ZNF18: variants seen among roughly 807,000 people sequenced by gnomAD.
ZNF18 encodes the protein zinc finger protein 18.
A neutral mutation model predicts 58.1 loss-of-function variants in ZNF18; 42 were observed. That is an observed-to-expected ratio of 0.72 (90% CI 0.56 to 0.93). ZNF18 has a LOEUF of 0.93. ZNF18 is among the 40% of genes least tolerant of loss of function. The pLI is 0.00. For synonymous variants in ZNF18, 231 were observed against 239.8 expected, an observed-to-expected ratio of 0.96 and a Z score of 0.34; for missense variants, 540 against 644.2, an observed-to-expected ratio of 0.84 and a Z score of 1.75.
intron 1 of ZNF18, among the ~76,000 whole-genome samples, chr17:11,995,954 A>T (rs1968448879): frequency 1.3e-5 from 2 of 152,208 alleles, no homozygotes; most frequent in Admixed American, 1.3e-4. Flanking sequence ...TATCTGATAG[A>T]AAAGGAACAC....
At chr17:11,995,083 T>C (rs889885720) in intron 1 of ZNF18, among the ~76,000 whole-genome samples, 8 of 152,070 alleles carry the variant, frequency 5.3e-5, no homozygotes, top group Non-Finnish European at 1.2e-4. Flanking sequence ...ATGTTTTTTA[T>C]GTGGTCCTCA....
intron 3 of ZNF18, 91 bp from the exon 4 acceptor site, chr17:11,990,641 A>G: frequency 9.8e-7 from 1 of 1,020,186 alleles, no homozygotes; most frequent in South Asian, 1.4e-5. Flanking sequence ...AAATCAGAAC[A>G]ATACCTGAAC....
At chr17:12,019,014 G>A in the ZNF18 span, among the ~76,000 whole-genome samples, 3 of 151,642 alleles carry the variant, frequency 2.0e-5, no homozygotes. Context: ...GAGTGCAGTG[G>A]CACAATCTCG....
At chr17:11,998,006 G>A (rs145884086), upstream of ZNF18, among the ~76,000 whole-genome samples, 30 of 152,002 alleles carry the variant, frequency 2.0e-4, no homozygotes, top group African/African-American at 6.3e-4. Context: ...CATTCCGTTG[G>A]GGCTAGTCCA....
At chr17:11,982,001 G>T (rs931461375) in intron 6 of ZNF18, among the ~76,000 whole-genome samples, 10 of 151,838 alleles carry the variant, frequency 6.6e-5, no homozygotes, top group Non-Finnish European at 1.3e-4. Context: ...CCTCATGATG[G>T]GATTAGTTTC....
the ZNF18 span, among the ~76,000 whole-genome samples, chr17:12,007,457 G>A: frequency 6.6e-6 from 1 of 152,154 alleles, no homozygotes; most frequent in African/African-American, 2.4e-5. Context: ...TTGACCCCTT[G>A]TTAGCTGAAT....
At chr17:12,007,805 C>T in the ZNF18 span, among the ~76,000 whole-genome samples, 4 of 152,064 alleles carry the variant, frequency 2.6e-5, no homozygotes, top group African/African-American at 9.7e-5. Flanking sequence ...TCTCACAGAT[C>T]AATTTTAAAA....
intron 1 of ZNF18, among the ~76,000 whole-genome samples, chr17:11,994,006 A>G (rs559836399): frequency 1.7e-4 from 26 of 152,320 alleles, no homozygotes; most frequent in African/African-American, 5.8e-4. Flanking sequence ...AAAAAGGATC[A>G]TCCACTACTT....
At chr17:11,994,549 T>G (rs367749035) in intron 1 of ZNF18, among the ~76,000 whole-genome samples, 25 of 152,122 alleles carry the variant, frequency 1.6e-4, no homozygotes, top group African/African-American at 6.0e-4. Flanking sequence ...TTAAGAAAAT[T>G]ATAAGGAAGA....
chr17:11,998,862 G>C (rs952186850), upstream of ZNF18, among the ~76,000 whole-genome samples: 4 of 140,042 alleles, frequency 2.9e-5, no homozygotes, highest in Non-Finnish European at 6.1e-5. Flanking sequence ...TTTTGGTGGA[G>C]ACGGGGTTTC....
intron 6 of ZNF18, among the ~76,000 whole-genome samples, chr17:11,980,846 A>G (rs1967293389): frequency 6.6e-6 from 1 of 152,056 alleles, no homozygotes; most frequent in African/African-American, 2.4e-5. Flanking sequence ...TTATAATACA[A>G]CAGACAATAT....
chr17:11,986,886 G>A (rs1038283823), intron 4 of ZNF18, among the ~76,000 whole-genome samples: 6 of 152,250 alleles, frequency 3.9e-5, no homozygotes, highest in South Asian at 2.1e-4. Context: ...AAACCCCCAA[G>A]GGTCAAAATC....
intron 6 of ZNF18, 151 bp downstream of exon 6, chr17:11,983,146 T>C (rs1429797404): frequency 3.5e-6 from 2 of 576,970 alleles, no homozygotes; most frequent in East Asian, 6.0e-5. Flanking sequence ...TCAATCTCAA[T>C]AGTTAAATCA....
At chr17:11,991,883 A>T (rs1968149149) in intron 2 of ZNF18, among the ~76,000 whole-genome samples, 1 of 152,128 alleles carries the variant, frequency 6.6e-6, no homozygotes, top group African/African-American at 2.4e-5. Flanking sequence ...AAGTGTGCCA[A>T]AGCAGTGAAG....
upstream of ZNF18, among the ~76,000 whole-genome samples, chr17:11,999,409 T>C (rs1968619424): frequency 6.6e-6 from 1 of 152,220 alleles, no homozygotes; most frequent in South Asian, 2.1e-4. Context: ...TGGTTCCTGA[T>C]ATGAAAATGA....
At chr17:12,020,062 GT>G in the ZNF18 span, among the ~76,000 whole-genome samples, 3 of 152,096 alleles carry the variant, frequency 2.0e-5, no homozygotes, top group Non-Finnish European at 4.4e-5. Context: ...ACCTCATATT[GT>G]TTTTTGGGGT....
chr17:12,018,722 G>A, the ZNF18 span, among the ~76,000 whole-genome samples: 11 of 152,062 alleles, frequency 7.2e-5, no homozygotes, highest in Non-Finnish European at 1.5e-4. Context: ...ACAAATCAAA[G>A]TGCTTTCTTG....
At chr17:12,020,944 AC>A in the ZNF18 span, 3 of 1,176,474 alleles carry the variant, frequency 2.5e-6, no homozygotes, top group Middle Eastern at 3.5e-4. Flanking sequence ...CGGCAGCGGC[AC>A]CCCCGGCCCC....
chr17:11,990,987 T>C lies in ZNF18; in HGVS notation c.564A>G (p.Thr188=), dbSNP rs755590647. 19 of 1,613,862 alleles carry C rather than the reference T, an allele frequency of 1.2e-5. No individual in the cohort carries two copies. Among genetic ancestry groups the C allele is most frequent in the East Asian group, 8.9e-5 (4 of 44,890 alleles). The part of the protein sequence containing the change: ...LSHIVKEESD[T]EAELALAASQ... ...CACCATCCTCACCTAGTTCTGCTTC[T>C]GTGTCAGATTCCTCTTTCACGATGT... is the stretch of plus-strand genomic sequence containing the variant. Residue 188 remains threonine (T), a synonymous_variant, in exon 3 of 7, where the codon ACA becomes ACG. Coordinates refer to ENST00000580306, the MANE Select transcript of ZNF18 (RefSeq NM_001303281.2).
Sources: gnomAD v4.1 joint callset for allele counts (sites outside exome capture counted in the v4.1 genomes callset) on GRCh38, gnomAD v4.1.1 for gene constraint, MANE v1.5 for transcripts, NCBI Gene and HGNC (gene_info 2026-07-23, HGNC 2026-07-21) for gene names.